ZNF778: variants seen among roughly 807,000 people sequenced by gnomAD.
ZNF778 encodes the protein zinc finger protein 778.
Under a neutral mutation model 23.9 loss-of-function variants are expected in ZNF778, and 37 were observed. That is an observed-to-expected ratio of 1.54 (90% CI 1.19 to 2.03). ZNF778 has a LOEUF of 2.03. Ranked by LOEUF, ZNF778 falls within the 30% of genes most tolerant of loss-of-function variation. The pLI is 0.00. For synonymous variants in ZNF778, 483 were observed against 343.9 expected (o/e 1.40, Z -4.48); for missense variants, 1,297 against 934.4 (o/e 1.39, Z -5.06).
rs973400415 is a variant in ZNF778 at position 89,231,230 on chromosome 16, G to A, written c.*2668G>A. 9.2e-5 allele frequency: 14 copies of A among 152,256 alleles called. No homozygotes were observed. Among genetic ancestry groups the A allele is most frequent in the African/African-American group, 3.4e-4 (14 of 41,436 alleles). 9.4% of individuals were successfully genotyped at this position (152,256 alleles called of 1,614,324 possible). On this transcript the variant is annotated 3_prime_UTR_variant, in exon 7 of 7. Coordinates refer to ENST00000433976, the MANE Select transcript of ZNF778 (RefSeq NM_001201407.2). ...AGCTTGTGGGGTTGTAGCGGCTCCT[G>A]GACTGGTCTCAGGTGACATCCTGAT...
intron 3 of ZNF778, 36 bp from the exon 4 acceptor site, chr16:89,223,121 G>T (rs191508866): frequency 6.2e-7 from 1 of 1,604,150 alleles, no homozygotes; most frequent in East Asian, 2.2e-5. Flanking sequence ...CGATGGACAC[G>T]TTGGAAGGCT....
At position 89,233,919 on chromosome 16, in the gene ZNF778, C is replaced by G; in HGVS notation, c.*5357C>G. 1 of 1,289,146 alleles carries G rather than the reference C, an allele frequency of 7.8e-7. No individual in the cohort carries two copies. Among genetic ancestry groups the G allele is most frequent in the Non-Finnish European group, 1.0e-6 (1 of 988,620 alleles). The allele number at this position is 1,289,146 out of a possible 1,614,324, so 79.9% of individuals were successfully genotyped here. ...AGTCAGCCCAGGATGAGGCACTAGA[C>G]AGCAGGACATGCTGTATGCCCTTGG... is the stretch of plus-strand genomic sequence containing the variant. On this transcript the variant is annotated 3_prime_UTR_variant, in exon 7 of 7. Coordinates refer to ENST00000433976, the MANE Select transcript of ZNF778 (RefSeq NM_001201407.2).
At chr16:89,223,956 G>C (rs1463598833) in intron 4 of ZNF778, among the ~76,000 whole-genome samples, 2 of 152,114 alleles carry the variant, frequency 1.3e-5, no homozygotes, top group African/African-American at 4.8e-5. Flanking sequence ...GGGTGCAGTG[G>C]CTCAGGGCTG....
chr16:89,228,404 T>C lies in ZNF778; in HGVS notation c.2116T>C (p.Cys706Arg). 1 of 1,613,950 alleles carries C rather than the reference T, an allele frequency of 6.2e-7. No individual in the cohort carries two copies. The highest frequency in any genetic ancestry group is 1.1e-5 in the South Asian group (1 of 91,042). The change falls in exon 7 of 7, where the codon TGT (cysteine) becomes CGT (arginine). Residue 706 changes from cysteine (C) to arginine (R), a missense_variant. Transcript: ENST00000433976. ...GCAGAAACCCTATAAATGTAAGGAA[T>C]GTGGGAAAGCATACAATAGGTTTTA... The part of the protein sequence containing the change: ...TGQKPYKCKE[C>R]GKAYNRFYLL...
At chr16:89,224,337 C>T (rs897165068) in intron 4 of ZNF778, among the ~76,000 whole-genome samples, 3 of 150,984 alleles carry the variant, frequency 2.0e-5, no homozygotes, top group East Asian at 2.0e-4. Context: ...CACTCTGGGA[C>T]GCCAGACGCA....
chr16:89,225,884 C>G (rs1216530676), intron 6 of ZNF778, among the ~76,000 whole-genome samples: 1 of 150,592 alleles, frequency 6.6e-6, no homozygotes, highest in Non-Finnish European at 1.5e-5. Flanking sequence ...TGCGCACAGA[C>G]TTTTCGAAGT....
chr16:89,226,988 T>C lies in ZNF778; in HGVS notation c.700T>C (p.Phe234Leu). Residue 234 changes from phenylalanine to leucine, a missense_variant, in exon 7 of 7, where the codon TTC becomes CTC. Physicochemically the swap from Phe to Leu is conservative, Grantham distance 22. Coordinates refer to ENST00000433976, the MANE Select transcript of ZNF778 (RefSeq NM_001201407.2). ...TGACTACAGCAGCTGTGGGGAAGTG[T>C]TCCTTAATCAGTCATACCTTCAGGC... Reference protein sequence around the residue: ...SLDYSSCGEVFLNQSYLQARA... With the variant: ...SLDYSSCGEVLLNQSYLQARA... 2 of 1,613,928 alleles carry C rather than the reference T, an allele frequency of 1.2e-6. No individual in the cohort carries two copies. Among genetic ancestry groups the C allele is most frequent in the South Asian group, 2.2e-5 (2 of 91,084 alleles).
chr16:89,227,317 A>G lies in ZNF778; in HGVS notation c.1029A>G (p.Gly343=). Residue 343 remains glycine (G), a synonymous_variant, in exon 7 of 7, where the codon GGA becomes GGG. Coordinates refer to ENST00000433976, the MANE Select transcript of ZNF778 (RefSeq NM_001201407.2). ...AACCCTGTGAATGTAAAGAATGCGG[A>G]AAAGCCTTCACTGGACTCTCAGGTC... ...AEKPCECKEC[G]KAFTGLSGLS... The G allele has an allele frequency of 1.2e-6, 2 of 1,614,012 alleles. No individual in the cohort carries two copies. Among genetic ancestry groups the G allele is most frequent in the Non-Finnish European group, 1.7e-6 (2 of 1,179,890 alleles).
At position 89,224,514 on chromosome 16, in the gene ZNF778, G is replaced by C. The variant is rs141450438; in HGVS notation, c.245-205G>C. 719 of 469,278 alleles carry C rather than the reference G, an allele frequency of 1.5e-3. 1 individual carries two copies. Among genetic ancestry groups the C allele is most frequent in the Middle Eastern group, 7.2e-3 (12 of 1,660 alleles). The allele number at this position is 469,278 out of a possible 1,614,324, so 29.1% of individuals were successfully genotyped here. A position where few individuals can be genotyped will look rare whatever the true frequency, so the allele number is the denominator to read the frequency against. ...GGCACCTATAGTCCCAGCTACTTAG[G>C]AGGCTGAGGCAAGAGAATCACTTGA... On this transcript the variant is annotated intron_variant, in intron 4 of 6. Transcript: ENST00000433976.
chr16:89,221,185 C>G (rs1280169754), intron 2 of ZNF778, 33 bp downstream of exon 2: 1 of 1,518,062 alleles, frequency 6.6e-7, no homozygotes, highest in Non-Finnish European at 8.8e-7. Context: ...CTCAGAGCCT[C>G]TGCTCTAGGT....
Position 89,227,290 on chromosome 16 carries a change from G to T in ZNF778, c.1002G>T (p.Glu334Asp). 1 of 1,613,920 alleles carries T rather than the reference G, an allele frequency of 6.2e-7. No individual in the cohort carries two copies. The highest frequency in any genetic ancestry group is 8.5e-7 in the Non-Finnish European group (1 of 1,179,826). Residue 334 changes from glutamate (E) to aspartate (D), a missense_variant, in exon 7 of 7, where the codon GAG becomes GAT. Glu to Asp is a conservative substitution (Grantham distance 45, BLOSUM62 2). Transcript: ENST00000433976. ...LTQHVRIHAA[E>D]KPCECKECGK... ...AACATGTAAGAATTCATGCTGCAGA[G>T]AAACCCTGTGAATGTAAAGAATGCG...
At position 89,229,418 on chromosome 16, in the gene ZNF778, G is replaced by T; in HGVS notation, c.*856G>T. Reference sequence around the variant, plus strand: ...GGATCCAGATGTGATTCTGTGAGCAGTGTAGGCTCTGGTTGGTTAGTCTTG... The same window carrying T: ...GGATCCAGATGTGATTCTGTGAGCATTGTAGGCTCTGGTTGGTTAGTCTTG... On this transcript the variant is annotated 3_prime_UTR_variant, in exon 7 of 7. Coordinates refer to ENST00000433976, the MANE Select transcript of ZNF778 (RefSeq NM_001201407.2). 1.0e-6 allele frequency: 1 copy of T among 979,870 alleles called. No homozygotes were observed. The highest frequency in any genetic ancestry group is 1.2e-6 in the Non-Finnish European group (1 of 828,094). 60.7% of individuals were successfully genotyped at this position (979,870 alleles called of 1,614,324 possible).
At position 89,227,789 on chromosome 16, in the gene ZNF778, GGA is replaced by G. The variant is rs2031631054; in HGVS notation, c.1506_1507del (p.Lys503ThrfsTer5). On this transcript the variant is annotated frameshift_variant, in exon 7 of 7. Transcript: ENST00000433976. LOFTEE classifies it low-confidence loss of function (END_TRUNC). ...SLTEHARIHTGEKPYECKQCG... is the reference protein window; with the variant it reads ...SLTEHARIHTXEKPYECKQCG... ...GACTGAGCACGCGAGAATCCATACC[GGA>G]GAGAAACCCTACGAATGTAAGCAGT... The G allele has an allele frequency of 5.6e-6, 9 of 1,613,898 alleles. No homozygotes were observed. The highest frequency in any genetic ancestry group is 7.6e-6 in the Non-Finnish European group (9 of 1,179,872).
At chr16:89,220,942 C>A in intron 1 of ZNF778, 55 bp from the exon 2 acceptor site, 1 of 619,328 alleles carries the variant, frequency 1.6e-6, no homozygotes. Flanking sequence ...CAGAAACAAG[C>A]TAATGCGTGA....
At chr16:89,219,033 G>A (rs984933499) in intron 1 of ZNF778, among the ~76,000 whole-genome samples, 1 of 151,826 alleles carries the variant, frequency 6.6e-6, no homozygotes, top group African/African-American at 2.4e-5. Flanking sequence ...CTTGAACCTG[G>A]GTGGCACAGG....
At position 89,228,881 on chromosome 16, in the gene ZNF778, G is replaced by T; in HGVS notation, c.*319G>T. Reference sequence around the variant, plus strand: ...GATCTCACAATGAAGAAAAACCTTAGGAGGGTGAGAATTGTTGGGAAGTCA... The same window carrying T: ...GATCTCACAATGAAGAAAAACCTTATGAGGGTGAGAATTGTTGGGAAGTCA... On this transcript the variant is annotated 3_prime_UTR_variant, in exon 7 of 7. Coordinates refer to ENST00000433976, the MANE Select transcript of ZNF778 (RefSeq NM_001201407.2). 9.5e-7 allele frequency: 1 copy of T among 1,051,428 alleles called. No individual in the cohort carries two copies. Among genetic ancestry groups the T allele is most frequent in the Non-Finnish European group, 1.1e-6 (1 of 873,008 alleles). 65.1% of individuals were successfully genotyped at this position (1,051,428 alleles called of 1,614,324 possible). A position where few individuals can be genotyped will look rare whatever the true frequency, so the allele number is the denominator to read the frequency against.
rs1042152382 is a variant in ZNF778, at chr16:89,232,479, A to C, written c.*3917A>C. The C allele has an allele frequency of 4.5e-6, 2 of 449,024 alleles. No homozygotes were observed. Among genetic ancestry groups the C allele is most frequent in the Non-Finnish European group, 7.3e-6 (2 of 273,012 alleles). 27.8% of individuals were successfully genotyped at this position (449,024 alleles called of 1,614,324 possible). On this transcript the variant is annotated 3_prime_UTR_variant, in exon 7 of 7. Transcript: ENST00000433976. ...AAACTGGGTTATGGGCAGGACTGCA[A>C]GTACTGGTTAGGCAGATACCTGTAT...
intron 1 of ZNF778, among the ~76,000 whole-genome samples, chr16:89,218,850 G>C (rs2030630201): frequency 1.3e-5 from 2 of 151,844 alleles, no homozygotes; most frequent in South Asian, 4.2e-4. Context: ...GCTCACGCCT[G>C]TAATCCTAGC....
chr16:89,220,556 G>A (rs1452124467), intron 1 of ZNF778, among the ~76,000 whole-genome samples: 1 of 152,208 alleles, frequency 6.6e-6, no homozygotes, highest in African/African-American at 2.4e-5. Flanking sequence ...TACTTGGTAG[G>A]CTGAGGTGGA....
Sources: allele counts gnomAD v4.1 joint callset (sites outside exome capture counted in the v4.1 genomes callset), GRCh38; gene constraint gnomAD v4.1.1; transcripts MANE v1.5; gene names NCBI Gene and HGNC (gene_info 2026-07-23, HGNC 2026-07-21).